Variants in SOX30 observed in about 807,000 individuals in gnomAD.
SOX30 encodes the protein SRY-box transcription factor 30.
Under a neutral mutation model 58.6 loss-of-function variants are expected in SOX30, and 17 were observed. The ratio of observed to expected loss-of-function variants is 0.29; its 90% CI spans 0.20 to 0.44. The LOEUF (loss-of-function observed/expected upper bound fraction) is 0.44, where lower values mean the gene tolerates loss of function less well. Ranked by LOEUF, SOX30 falls within the 20% of genes least tolerant of loss-of-function variation. The pLI, the probability that SOX30 is intolerant of heterozygous loss-of-function variation, is 1.00. For synonymous variants in SOX30, 421 were observed against 400.2 expected, an observed-to-expected ratio of 1.05 and a Z score of -0.62; for missense variants, 951 against 965.8, an observed-to-expected ratio of 0.98 and a Z score of 0.20.
intron 2 of SOX30, among the ~76,000 whole-genome samples, chr5:157,659,189 G>A (rs1443287480): frequency 2.6e-5 from 4 of 152,134 alleles, no homozygotes; most frequent in Non-Finnish European, 5.9e-5. Flanking sequence ...TTTCTTAAAC[G>A]TGCTTTCACT....
intron 4 of SOX30, among the ~76,000 whole-genome samples, chr5:157,630,515 C>A (rs1561578162): frequency 6.6e-6 from 1 of 151,852 alleles, no homozygotes; most frequent in Non-Finnish European, 1.5e-5. Context: ...TTGTAAAGAC[C>A]GTATTCTTTG....
At chr5:157,631,764 C>CAAA (rs70984477) in intron 4 of SOX30, among the ~76,000 whole-genome samples, 1 of 84,662 alleles carries the variant, frequency 1.2e-5, no homozygotes, top group Non-Finnish European at 2.5e-5. Context: ...GAACTCGTCT[C>CAAA]AAAAAAAAAA....
At chr5:157,633,354 T>C (rs1363298506) in intron 4 of SOX30, among the ~76,000 whole-genome samples, 2 of 152,182 alleles carry the variant, frequency 1.3e-5, no homozygotes, top group African/African-American at 4.8e-5. Flanking sequence ...CCCAAGTTTA[T>C]AACCAATGAA....
intron 2 of SOX30, among the ~76,000 whole-genome samples, chr5:157,660,487 A>G (rs1759558938): frequency 6.6e-6 from 1 of 151,234 alleles, no homozygotes; most frequent in South Asian, 2.1e-4. Context: ...AAAATAAAAT[A>G]ATAAAATATA....
At chr5:157,644,037 T>C (rs1308810174) in intron 3 of SOX30, among the ~76,000 whole-genome samples, 1 of 152,218 alleles carries the variant, frequency 6.6e-6, no homozygotes, top group African/African-American at 2.4e-5. Flanking sequence ...CAAAGCCATA[T>C]GATTGGGGAA....
upstream of SOX30, chr5:157,652,454 A>G: frequency 1.1e-6 from 1 of 932,830 alleles, no homozygotes; most frequent in Non-Finnish European, 1.3e-6. Context: ...TGCCCAGGAA[A>G]CGTTGCGCTT....
Position 157,638,367 on chromosome 5 carries a change from G to A in SOX30, c.1743C>T (p.Pro581=), listed in dbSNP as rs760714972. The stretch of plus-strand genomic sequence containing the variant: ...GTGGGTGTGGAATGGGAGAAGCCTG[G>A]GGGATTGGAGCACTTCTGGGACAAG... ...VSPCPRSAPI[P]QASPIPHPHV... is the part of the protein sequence containing the mutation. The change falls in exon 4 of 5, where the codon CCC becomes CCT. Residue 581 remains proline, a synonymous_variant. Coordinates refer to ENST00000265007, the MANE Select transcript of SOX30 (RefSeq NM_178424.2). 3.1e-6 allele frequency: 5 copies of A among 1,613,704 alleles called. No individual in the cohort carries two copies. The East Asian group carries it at 8.9e-5, about 29-fold the overall frequency.
chr5:157,626,147 C>T lies in SOX30; in HGVS notation c.*193G>A, dbSNP rs991554517. On this transcript the variant is annotated 3_prime_UTR_variant, in exon 5 of 5. Transcript: ENST00000265007. ...AAACTACTTAATAACTTAAATATTC[C>T]TACAATGAAACATCCAGACTCTAGT... 3 of 500,102 alleles carry T rather than the reference C, an allele frequency of 6.0e-6. No individual in the cohort carries two copies. Among genetic ancestry groups the T allele is most frequent in the East Asian group, 3.2e-5 (1 of 31,076 alleles). The allele number at this position is 500,102 out of a possible 1,614,324, so 31.0% of individuals were successfully genotyped here. A position where few individuals can be genotyped will look rare whatever the true frequency, so the allele number is the denominator to read the frequency against.
At chr5:157,647,850 C>T (rs1025537781) in intron 2 of SOX30, among the ~76,000 whole-genome samples, 12 of 152,114 alleles carry the variant, frequency 7.9e-5, no homozygotes, top group African/African-American at 2.9e-4. Flanking sequence ...TGAGCCACCG[C>T]GCCTGGCTGA....
At chr5:157,646,552 A>C in intron 3 of SOX30, 85 bp downstream of exon 3, 1 of 963,034 alleles carries the variant, frequency 1.0e-6, no homozygotes, top group Non-Finnish European at 1.6e-6. Context: ...AATTCTTAAG[A>C]CTAACAGAAA....
At chr5:157,663,754 GTC>G (rs1352140167) in intron 2 of SOX30, among the ~76,000 whole-genome samples, 1 of 152,168 alleles carries the variant, frequency 6.6e-6, no homozygotes, top group Non-Finnish European at 1.5e-5. Context: ...CTTCAGCAAA[GTC>G]TCAGGATACA....
intron 2 of SOX30, among the ~76,000 whole-genome samples, chr5:157,661,157 T>G (rs1759571804): frequency 6.6e-6 from 1 of 152,248 alleles, no homozygotes; most frequent in Non-Finnish European, 1.5e-5. Flanking sequence ...GCTGGAACTT[T>G]TAGTCCAAGG....
intron 3 of SOX30, among the ~76,000 whole-genome samples, chr5:157,646,163 A>G (rs1759186808): frequency 6.6e-6 from 1 of 152,204 alleles, no homozygotes; most frequent in African/African-American, 2.4e-5. Flanking sequence ...TAGAGAGATT[A>G]ATATAATGAA....
intron 3 of SOX30, among the ~76,000 whole-genome samples, chr5:157,646,127 A>T (rs1398984826): frequency 6.6e-6 from 1 of 152,180 alleles, no homozygotes; most frequent in Non-Finnish European, 1.5e-5. Context: ...CAGTAACAGG[A>T]ATGTAAAGAA....
intron 2 of SOX30, among the ~76,000 whole-genome samples, chr5:157,665,799 A>C (rs1232199638): frequency 6.6e-6 from 1 of 151,330 alleles, no homozygotes; most frequent in African/African-American, 2.4e-5. Flanking sequence ...ATAGTTCAGG[A>C]AACTCAGACC....
At chr5:157,666,674 A>G (rs1222786363) in intron 2 of SOX30, among the ~76,000 whole-genome samples, 1 of 152,158 alleles carries the variant, frequency 6.6e-6, no homozygotes, top group African/African-American at 2.4e-5. Context: ...ACAGCAGAAT[A>G]GGTAATTTTA....
intron 3 of SOX30, among the ~76,000 whole-genome samples, 171 bp downstream of exon 3, chr5:157,646,466 C>G (rs912229239): frequency 2.0e-5 from 3 of 152,188 alleles, no homozygotes; most frequent in Non-Finnish European, 4.4e-5. Context: ...GTGTTTTGAT[C>G]TCTACTGAAA....
rs150263004 is a variant in SOX30 at position 157,634,094 on chromosome 5, G to C, written c.1880+4136C>G. On this transcript the variant is annotated intron_variant, in intron 4 of 4. Coordinates refer to ENST00000265007, the MANE Select transcript of SOX30 (RefSeq NM_178424.2). The stretch of plus-strand genomic sequence containing the variant: ...AGGAATAAGATGTTAGCCCCAGAGA[G>C]GGGGAGCAGCACTTCTGAGTGTCCA... Among the ~76,000 whole-genome samples the C allele has an allele frequency of 3.2e-3, 480 of 152,330 alleles. 4 individuals carry two copies. Among genetic ancestry groups the C allele is most frequent in the African/African-American group, 0.011 (445 of 41,584 alleles).
rs781043876 is a variant in SOX30, at chr5:157,646,715, T to C, written c.1309A>G (p.Thr437Ala). The C allele has an allele frequency of 1.2e-5, 20 of 1,613,130 alleles. No individual in the cohort carries two copies. Among genetic ancestry groups the C allele is most frequent in the African/African-American group, 1.2e-4 (9 of 74,896 alleles). ...TTQNIISTNP[T>A]TVYPYRSPTY... ...GGTGAGCGGTAAGGATAAACTGTTG[T>C]AGGATTTGTAGAGATGATATTCTGT... The change falls in exon 3 of 5, where the codon ACA becomes GCA. Residue 437 changes from threonine (T) to alanine (A), a missense_variant. Around this residue, in one of 7 missense-constraint regions of SOX30, gnomAD observed 381 missense variants for 390.0 expected, o/e 0.98. Transcript: ENST00000265007.
Sources: gnomAD v4.1 joint callset for allele counts (sites outside exome capture counted in the v4.1 genomes callset) on GRCh38, gnomAD v4.1.1 for gene constraint, gnomAD v4.1.1 regional missense constraint, MANE v1.5 for transcripts, NCBI Gene and HGNC (gene_info 2026-07-23, HGNC 2026-07-21) for gene names.